Variants in UGT2B11 observed in about 807,000 individuals in gnomAD.
UGT2B11 encodes UDP glucuronosyltransferase family 2 member B11.
Under a neutral mutation model 51.7 loss-of-function variants are expected in UGT2B11, and 49 were observed. That is an observed-to-expected ratio of 0.95 (90% confidence interval 0.75 to 1.20). The LOEUF (loss-of-function observed/expected upper bound fraction) is 1.20, where lower values mean the gene tolerates loss of function less well. UGT2B11 is among the 50% of genes most tolerant of loss of function. UGT2B11 has a pLI of 0.00. For missense variants in UGT2B11, 810 were observed against 622.1 expected, an observed-to-expected ratio of 1.30 and a Z score of -3.21; for synonymous variants, 273 against 209.0, an observed-to-expected ratio of 1.31 and a Z score of -2.64.
chr4:69,203,031 TA>T (rs919269248), intron 5 of UGT2B11, among the ~76,000 whole-genome samples: 1 of 151,652 alleles, frequency 6.6e-6, no homozygotes, highest in Non-Finnish European at 1.5e-5. Flanking sequence ...AAATTTAACT[TA>T]AAATTATATT....
chr4:69,207,475 G>A (rs1456543370), intron 3 of UGT2B11, among the ~76,000 whole-genome samples: 1 of 151,602 alleles, frequency 6.6e-6, no homozygotes, highest in African/African-American at 2.4e-5. Context: ...TTCCTACTAT[G>A]TTCTATGGAG....
Position 69,212,624 on chromosome 4 carries a change from G to T in UGT2B11, c.819C>A (p.Asn273Lys). The change falls in exon 2 of 6, where the codon AAC (asparagine) becomes AAA (lysine). Residue 273 changes from asparagine (N) to lysine (K), a missense_variant. Transcript: ENST00000446444. ...AGTGGAATCCTCCAACAAAATCAAC[G>T]TTTGGTAAGAATGGATGAGGAAATT... ...SFQFPHPFLP[N>K]VDFVGGFHCK... 1.2e-6 allele frequency: 2 copies of T among 1,609,870 alleles called. No homozygotes were observed. The highest frequency in any genetic ancestry group is 1.7e-6 in the Non-Finnish European group (2 of 1,177,458).
intron 3 of UGT2B11, among the ~76,000 whole-genome samples, 161 bp downstream of exon 3, chr4:69,208,190 G>T (rs1463293681): frequency 6.6e-6 from 1 of 151,514 alleles, no homozygotes; most frequent in Non-Finnish European, 1.5e-5. Context: ...TAAGTCTGAG[G>T]CACAACTATT....
chr4:69,215,783 TC>T (rs1256689202), upstream of UGT2B11: 2 of 152,032 alleles, frequency 1.3e-5, no homozygotes, highest in Non-Finnish European at 2.9e-5. Context: ...CCCACCCTTG[TC>T]TTTCACATAA....
chr4:69,218,927 C>T (rs1312678070), upstream of UGT2B11, among the ~76,000 whole-genome samples: 3 of 152,038 alleles, frequency 2.0e-5, no homozygotes, highest in East Asian at 5.8e-4. Flanking sequence ...GGTATGGAGC[C>T]CCATCTAGCC....
At chr4:69,216,613 A>C (rs1276728215), upstream of UGT2B11, 4 of 151,550 alleles carry the variant, frequency 2.6e-5, no homozygotes, top group Non-Finnish European at 4.4e-5. Context: ...CATAAGAAAC[A>C]AAAAAGCCCA....
At chr4:69,218,929 C>A (rs1039803929), upstream of UGT2B11, among the ~76,000 whole-genome samples, 4 of 152,136 alleles carry the variant, frequency 2.6e-5, no homozygotes, top group African/African-American at 9.7e-5. Flanking sequence ...TATGGAGCCC[C>A]ATCTAGCCAG....
upstream of UGT2B11, among the ~76,000 whole-genome samples, chr4:69,216,936 C>G (rs562101362): frequency 6.6e-6 from 1 of 152,120 alleles, no homozygotes; most frequent in Non-Finnish European, 1.5e-5. Context: ...TTAACATTCT[C>G]AAATAGACCG....
chr4:69,218,910 C>A (rs1325179135), upstream of UGT2B11, among the ~76,000 whole-genome samples: 1 of 152,128 alleles, frequency 6.6e-6, no homozygotes, highest in African/African-American at 2.4e-5. Flanking sequence ...GTCCACATGT[C>A]CTTGAAGGTA....
At chr4:69,218,941 A>T (rs995543764), upstream of UGT2B11, among the ~76,000 whole-genome samples, 1 of 152,120 alleles carries the variant, frequency 6.6e-6, no homozygotes, top group African/African-American at 2.4e-5. Context: ...TCTAGCCAGA[A>T]TTCCAGATGT....
At chr4:69,206,246 T>C (rs1276744458) in intron 3 of UGT2B11, among the ~76,000 whole-genome samples, 1 of 151,470 alleles carries the variant, frequency 6.6e-6, no homozygotes, top group Non-Finnish European at 1.5e-5. Context: ...AATTATGGAA[T>C]GAATAAAGAA....
the UGT2B11 span, among the ~76,000 whole-genome samples, chr4:69,224,073 G>A: frequency 3.9e-5 from 6 of 152,152 alleles, no homozygotes; most frequent in Non-Finnish European, 5.9e-5. Context: ...GCCATGGAAC[G>A]GAAACACATG....
At chr4:69,217,867 G>A (rs1416261611), upstream of UGT2B11, among the ~76,000 whole-genome samples, 1 of 151,960 alleles carries the variant, frequency 6.6e-6, no homozygotes, top group African/African-American at 2.4e-5. Flanking sequence ...GCTGGTATTG[G>A]GCATTCCTCC....
At position 69,200,453 on chromosome 4, in the gene UGT2B11, C is replaced by G; in HGVS notation, c.1577G>C (p.Gly526Ala). ...TGTCAGACATAACTAATCTCTTTTT[C>G]CCTTCTTCCCTTTTCTAGCAAACTT... Reference protein sequence around the residue: ...FWKFARKGKKGKRD With the variant: ...FWKFARKGKKAKRD Residue 526 changes from glycine to alanine, a missense_variant, in exon 6 of 6, where the codon GGA (glycine) becomes GCA (alanine). Transcript: ENST00000446444. The G allele has an allele frequency of 6.2e-7, 1 of 1,609,190 alleles. No individual in the cohort carries two copies. The highest frequency in any genetic ancestry group is 1.1e-5 in the South Asian group (1 of 90,766).
At chr4:69,205,987 G>A (rs554275120) in intron 3 of UGT2B11, among the ~76,000 whole-genome samples, 24 of 151,662 alleles carry the variant, frequency 1.6e-4, no homozygotes, top group African/African-American at 5.5e-4. Flanking sequence ...TGATGTTGGC[G>A]AGGTTGTATA....
upstream of UGT2B11, among the ~76,000 whole-genome samples, chr4:69,217,799 T>C (rs1343598198): frequency 6.6e-6 from 1 of 152,028 alleles, no homozygotes; most frequent in Non-Finnish European, 1.5e-5. Context: ...GCCTAGCATA[T>C]AGACAAAAAA....
At chr4:69,202,512 C>A (rs1267682365) in intron 5 of UGT2B11, among the ~76,000 whole-genome samples, 1 of 151,552 alleles carries the variant, frequency 6.6e-6, no homozygotes, top group East Asian at 2.0e-4. Context: ...CACCACACAT[C>A]ACTTCAAGGA....
intron 5 of UGT2B11, among the ~76,000 whole-genome samples, chr4:69,203,305 A>G (rs1157666371): frequency 2.6e-5 from 4 of 151,730 alleles, no homozygotes; most frequent in Non-Finnish European, 5.9e-5. Context: ...CAAGACCAGG[A>G]TGAGAGATCA....
chr4:69,221,480 G>C, the UGT2B11 span, among the ~76,000 whole-genome samples: 27 of 152,334 alleles, frequency 1.8e-4, no homozygotes, highest in African/African-American at 6.3e-4. Context: ...AGACCTCGAA[G>C]TTGATTTCTT....
Sources: gnomAD v4.1 joint callset for allele counts (sites outside exome capture counted in the v4.1 genomes callset) on GRCh38, gnomAD v4.1.1 for gene constraint, MANE v1.5 for transcripts, NCBI Gene and HGNC (gene_info 2026-07-23, HGNC 2026-07-21) for gene names.